The following PKN2 variants were observed in gnomAD, a reference collection of about 807,000 sequenced individuals.
PKN2 encodes the protein serine/threonine-protein kinase N2.
PKN2 carries 38 observed loss-of-function variants against 119.1 expected under a neutral mutation model. The ratio of observed to expected loss-of-function variants is 0.32; its 90% CI spans 0.25 to 0.42. The LOEUF (loss-of-function observed/expected upper bound fraction) is 0.42. Ranked by LOEUF, PKN2 falls within the 10% of genes least tolerant of loss-of-function variation. PKN2 has a pLI of 1.00. For synonymous variants in PKN2, 390 were observed against 384.9 expected (o/e 1.01, Z -0.15); for missense variants, 850 against 1,165.1 (o/e 0.73, Z 3.94).
chr1:88,825,908 A>G (rs1213048677), intron 18 of PKN2, among the ~76,000 whole-genome samples: 1 of 152,136 alleles, frequency 6.6e-6, no homozygotes, highest in Non-Finnish European at 1.5e-5. Context: ...CTGCAGCAAC[A>G]ATGAACTGCT....
intron 2 of PKN2, among the ~76,000 whole-genome samples, chr1:88,743,074 C>T (rs908945863): frequency 8.5e-5 from 13 of 152,102 alleles, no homozygotes; most frequent in African/African-American, 3.1e-4. Context: ...CCTGTAGTTC[C>T]AGCTACTCGG....
chr1:88,690,759 C>A (rs1235302359), intron 1 of PKN2, among the ~76,000 whole-genome samples: 1 of 151,794 alleles, frequency 6.6e-6, no homozygotes, highest in Non-Finnish European at 1.5e-5. Flanking sequence ...TAAATATTGC[C>A]TGTAAAAAAT....
At chr1:88,752,044 G>T (rs1407135713) in intron 2 of PKN2, among the ~76,000 whole-genome samples, 2 of 152,068 alleles carry the variant, frequency 1.3e-5, no homozygotes, top group Admixed American at 1.3e-4. Context: ...CTTGGGATTT[G>T]TTGGGTTTCT....
intron 16 of PKN2, among the ~76,000 whole-genome samples, chr1:88,818,013 A>G (rs905432942): frequency 5.9e-5 from 9 of 152,234 alleles, no homozygotes; most frequent in African/African-American, 1.9e-4. Context: ...CTGATAAGCA[A>G]CTTCAGCAAA....
chr1:88,755,439 A>T (rs978355777), intron 2 of PKN2, among the ~76,000 whole-genome samples: 1 of 152,192 alleles, frequency 6.6e-6, no homozygotes, highest in Non-Finnish European at 1.5e-5. Flanking sequence ...TTAAGGTTAA[A>T]TTTCTGCATA....
At chr1:88,704,150 A>G (rs190966399) in intron 1 of PKN2, among the ~76,000 whole-genome samples, 1 of 152,248 alleles carries the variant, frequency 6.6e-6, no homozygotes, top group Admixed American at 6.5e-5. Context: ...TCCTCCTGTC[A>G]TTATTCCCTT....
At chr1:88,745,463 T>A (rs1225908669) in intron 2 of PKN2, among the ~76,000 whole-genome samples, 1 of 152,174 alleles carries the variant, frequency 6.6e-6, no homozygotes, top group Non-Finnish European at 1.5e-5. Flanking sequence ...ATCATTTCTA[T>A]ATACTAACTA....
At chr1:88,745,020 A>C (rs1009111824) in intron 2 of PKN2, among the ~76,000 whole-genome samples, 6 of 152,236 alleles carry the variant, frequency 3.9e-5, no homozygotes, top group Non-Finnish European at 8.8e-5. Context: ...CCATAAGAGT[A>C]TCCCCATAGG....
intron 8 of PKN2, among the ~76,000 whole-genome samples, chr1:88,787,497 A>G (rs927360529): frequency 3.9e-5 from 6 of 152,208 alleles, no homozygotes; most frequent in Middle Eastern, 3.2e-3. Context: ...CTAGACCTTC[A>G]GTGTCTTAAC....
intron 1 of PKN2, among the ~76,000 whole-genome samples, chr1:88,701,919 A>G (rs2100665803): frequency 6.6e-6 from 1 of 152,292 alleles, no homozygotes; most frequent in East Asian, 1.9e-4. Flanking sequence ...TGCAACAGTC[A>G]TTGTAGGACT....
intron 1 of PKN2, among the ~76,000 whole-genome samples, chr1:88,711,817 GAGGA>G (rs1667244769): frequency 6.6e-6 from 1 of 152,018 alleles, no homozygotes; most frequent in Non-Finnish European, 1.5e-5. Flanking sequence ...AAAATTTCAG[GAGGA>G]AGGAACTGTA....
At chr1:88,824,413 T>A (rs764409734) in intron 18 of PKN2, 27 bp downstream of exon 18, 1 of 1,316,306 alleles carries the variant, frequency 7.6e-7, no homozygotes, top group South Asian at 1.2e-5. Context: ...AAGTTTCTTT[T>A]CTGATTCAGA....
intron 1 of PKN2, among the ~76,000 whole-genome samples, chr1:88,713,119 G>T (rs1045603482): frequency 6.6e-6 from 1 of 152,158 alleles, no homozygotes; most frequent in Non-Finnish European, 1.5e-5. Flanking sequence ...CTTTTTTATG[G>T]CTGTATAGTA....
At chr1:88,754,898 A>G (rs1270051970) in intron 2 of PKN2, among the ~76,000 whole-genome samples, 1 of 152,212 alleles carries the variant, frequency 6.6e-6, no homozygotes, top group Non-Finnish European at 1.5e-5. Context: ...ATACATTTTG[A>G]ATTGTATAAT....
intron 8 of PKN2, among the ~76,000 whole-genome samples, chr1:88,789,525 C>G (rs571268221): frequency 2.0e-5 from 3 of 151,890 alleles, no homozygotes; most frequent in South Asian, 4.2e-4. Flanking sequence ...TAGCTGGGTG[C>G]AGTGGCAGAC....
chr1:88,755,831 T>C (rs757232597), intron 2 of PKN2, among the ~76,000 whole-genome samples: 3 of 152,184 alleles, frequency 2.0e-5, no homozygotes, highest in Non-Finnish European at 4.4e-5. Context: ...GTAATTGTTA[T>C]TAAAACTGAG....
chr1:88,831,717 A>G (rs937495231), intron 19 of PKN2, among the ~76,000 whole-genome samples: 1 of 152,046 alleles, frequency 6.6e-6, no homozygotes, highest in South Asian at 2.1e-4. Flanking sequence ...ATTGGAAGCA[A>G]GCAGCCAAAT....
At chr1:88,813,824 TC>T (rs1408028986) in intron 16 of PKN2, 91 bp downstream of exon 16, 5 of 1,113,142 alleles carry the variant, frequency 4.5e-6, no homozygotes, top group Non-Finnish European at 6.4e-6. Context: ...AGATTTTTTT[TC>T]CTAACAGAAA....
rs1233125485 is a variant in PKN2 at position 88,741,035 on chromosome 1, A to G, written c.96A>G (p.Gln32=). Residue 32 remains glutamine, a synonymous_variant, in exon 2 of 22, where the codon CAA becomes CAG. Transcript: ENST00000370521. ...TTTCTGAGAATGTGAGTGCTGTTCA[A>G]AAATTAGACTTTTCAGATACAATGG... ...LPFSENVSAV[Q]KLDFSDTMVQ... The G allele has an allele frequency of 6.3e-7, 1 of 1,594,028 alleles. No homozygotes were observed. The highest frequency in any genetic ancestry group is 1.8e-5 in the Admixed American group (1 of 54,476).
Sources: allele counts gnomAD v4.1 joint callset (sites outside exome capture counted in the v4.1 genomes callset), GRCh38; gene constraint gnomAD v4.1.1; transcripts MANE v1.5; gene names NCBI Gene and HGNC (gene_info 2026-07-23, HGNC 2026-07-21).